The following TTC34 variants were observed in gnomAD, a reference collection of about 807,000 sequenced individuals.
TTC34 encodes tetratricopeptide repeat protein 34.
TTC34 carries 44 observed loss-of-function variants against 40.7 expected under a neutral mutation model. The observed-to-expected ratio is 1.08, with a 90% CI of 0.85 to 1.39. The LOEUF (loss-of-function observed/expected upper bound fraction) is 1.39. Among genes scored for constraint, TTC34 ranks in the 40% most tolerant of loss-of-function variants. The probability of loss-of-function intolerance (pLI) is 0.00; values close to 1 mark genes in which losing one functional copy is unlikely to be tolerated. For synonymous variants in TTC34, 422 were observed against 398.6 expected (o/e 1.06, Z -0.70); for missense variants, 884 against 838.0 (o/e 1.05, Z -0.68).
intron 6 of TTC34, among the ~76,000 whole-genome samples, chr1:2,754,756 A>T (rs1641447545): frequency 1.3e-5 from 2 of 149,846 alleles, no homozygotes; most frequent in Admixed American, 6.6e-5. Flanking sequence ...TGCGCATGTG[A>T]TGGTCTGGAG....
intron 6 of TTC34, among the ~76,000 whole-genome samples, chr1:2,687,855 G>T (rs1182445923): frequency 6.6e-6 from 1 of 151,716 alleles, no homozygotes; most frequent in Non-Finnish European, 1.5e-5. Flanking sequence ...ACCCACAGTT[G>T]AGCATCTGAC....
At chr1:2,759,445 C>T (rs1476885941) in intron 6 of TTC34, among the ~76,000 whole-genome samples, 7 of 33,456 alleles carry the variant, frequency 2.1e-4, no homozygotes, top group East Asian at 1.7e-3. Context: ...CACTCCCAGG[C>T]GAGCATCTGA....
intron 8 of TTC34, among the ~76,000 whole-genome samples, chr1:2,643,829 C>T (rs1476198405): frequency 6.6e-6 from 1 of 152,232 alleles, no homozygotes; most frequent in Non-Finnish European, 1.5e-5. Flanking sequence ...CCTGCCCAGG[C>T]CCCACTGGGG....
chr1:2,756,024 C>A lies in TTC34; in HGVS notation c.2226+27585G>T, dbSNP rs1269851466. Among the ~76,000 whole-genome samples, 14 of 86,924 alleles carry A rather than the reference C, an allele frequency of 1.6e-4. 4 individuals are homozygous for A. The highest frequency in any genetic ancestry group is 1.1e-3 in the African/African-American group (14 of 12,768). The allele number at this position is 86,924 out of a possible 152,430, so 57.0% of individuals were successfully genotyped here. A position where few individuals can be genotyped will look rare whatever the true frequency, so the allele number is the denominator to read the frequency against. ...CTGACACCCTGAAACAGCACACACA[C>A]CCCCAGGCGAGCATCTGACAACCTG... On this transcript the variant is annotated intron_variant, in intron 6 of 8. Transcript: ENST00000401095.
At chr1:2,662,588 AGG>A (rs1639589422) in intron 6 of TTC34, among the ~76,000 whole-genome samples, 1 of 47,250 alleles carries the variant, frequency 2.1e-5, no homozygotes, top group Non-Finnish European at 5.2e-5. Flanking sequence ...CTCCCGGAGC[AGG>A]ACCCATACCT....
chr1:2,688,542 C>T (rs1569572289), intron 6 of TTC34, among the ~76,000 whole-genome samples: 1 of 144,128 alleles, frequency 6.9e-6, no homozygotes, highest in Admixed American at 6.8e-5. Context: ...CACAGGCGAG[C>T]ACCTGAACCC....
intron 6 of TTC34, among the ~76,000 whole-genome samples, chr1:2,699,201 G>A (rs1421387553): frequency 5.5e-5 from 8 of 145,080 alleles, no homozygotes; most frequent in East Asian, 2.1e-4. Flanking sequence ...ACCTGGAGCA[G>A]CACCCACACC....
chr1:2,683,504 C>T (rs1173688930), intron 6 of TTC34, among the ~76,000 whole-genome samples: 1 of 148,436 alleles, frequency 6.7e-6, no homozygotes, highest in Non-Finnish European at 1.5e-5. Context: ...CCTGGAACGG[C>T]ACCCACACCA....
chr1:2,749,515 CACCCAGATTCCCAGGCAAGCAT>C (rs1641248562), intron 6 of TTC34, among the ~76,000 whole-genome samples: 1 of 68,824 alleles, frequency 1.5e-5, no homozygotes. Flanking sequence ...CCTGGAGCAG[CACCCAGATTCCCAGGCAAGCAT>C]CTGAACGCAA....
chr1:2,785,841 C>A, exon 5 of TTC34: 1 of 1,544,488 alleles, frequency 6.5e-7, no homozygotes, highest in Non-Finnish European at 8.7e-7. Flanking sequence ...TGGCCAGAGA[C>A]AGGTAGGCGA....
chr1:2,786,342 G>T (rs1349666929), intron 4 of TTC34, among the ~76,000 whole-genome samples: 2 of 152,240 alleles, frequency 1.3e-5, no homozygotes, highest in Admixed American at 6.5e-5. Context: ...AGCACTAGGA[G>T]GTTGGCCGTG....
In TTC34 at chr1:2,785,709, C is replaced by T. The variant is rs926127891; in HGVS notation, c.2059+110G>A. The T allele has an allele frequency of 4.8e-6, 6 of 1,252,084 alleles. No individual in the cohort carries two copies. In the African/African-American group the frequency reaches 9.3e-5, roughly 19 times the overall value. The allele number at this position is 1,252,084 out of a possible 1,614,324, so 77.6% of individuals were successfully genotyped here. A position where few individuals can be genotyped will look rare whatever the true frequency, so the allele number is the denominator to read the frequency against. On this transcript the variant is annotated intron_variant, in intron 5 of 8. Coordinates refer to ENST00000401095, the Ensembl canonical transcript of TTC34. ...CCAACCCGTGGGTGTTCCTGAGGCC[C>T]CTGCACCTGGGGAGCATGCGTGTCC...
exon 3 of TTC34, chr1:2,789,867 C>T (rs1643642251): frequency 7.1e-6 from 3 of 423,200 alleles, no homozygotes; most frequent in Admixed American, 4.4e-5. Flanking sequence ...GCGCAGAAGC[C>T]GCGCAGAGCC....
At chr1:2,748,985 TG>T (rs1641232097) in intron 6 of TTC34, among the ~76,000 whole-genome samples, 1 of 114,248 alleles carries the variant, frequency 8.8e-6, no homozygotes, top group African/African-American at 3.7e-5. Context: ...TCTGACGGCC[TG>T]GAACAGCACC....
chr1:2,750,627 C>G (rs1641286528), intron 6 of TTC34, among the ~76,000 whole-genome samples: 3 of 143,624 alleles, frequency 2.1e-5, no homozygotes, highest in Non-Finnish European at 3.0e-5. Context: ...CATCTGACAG[C>G]CTGGAGCAGC....
rs190868164 is a variant in TTC34, at chr1:2,799,483, C to T, written c.784+561G>A. ...TCTTGAACCCAGTGGGTGGAGGTTG[C>T]GGTGAGCCGAGATCGCCCCATTGCA... On this transcript the variant is annotated intron_variant, in intron 2 of 8. Transcript: ENST00000401095. Among the ~76,000 whole-genome samples, 17 of 152,030 alleles carry T rather than the reference C, an allele frequency of 1.1e-4. No individual in the cohort carries two copies. The East Asian group carries it at 2.3e-3, about 21-fold the overall frequency.
chr1:2,690,456 A>C (rs1265858569), intron 6 of TTC34, among the ~76,000 whole-genome samples: 4 of 150,034 alleles, frequency 2.7e-5, no homozygotes, highest in South Asian at 2.1e-4. Flanking sequence ...AACAGCACCC[A>C]CAACCACAGG....
chr1:2,800,359 C>A, exon 2 of TTC34: 1 of 398,506 alleles, frequency 2.5e-6, no homozygotes, highest in Non-Finnish European at 4.4e-6. Flanking sequence ...GCGGCCACAC[C>A]ATCCGCTGCC....
At chr1:2,776,397 G>A (rs1643166005) in intron 6 of TTC34, 1 of 133,142 alleles carries the variant, frequency 7.5e-6, no homozygotes, top group Non-Finnish European at 1.5e-5. Context: ...TGGAACAGCA[G>A]CTCACATCCC....
Sources: gnomAD v4.1 joint callset for allele counts (sites outside exome capture counted in the v4.1 genomes callset) on GRCh38, gnomAD v4.1.1 for gene constraint, MANE v1.5 for transcripts, NCBI Gene and HGNC (gene_info 2026-07-23, HGNC 2026-07-21) for gene names.